The following HS6ST3 variants were observed in gnomAD, a reference collection of about 807,000 sequenced individuals.
HS6ST3 encodes heparan-sulfate 6-O-sulfotransferase 3.
Under a neutral mutation model 36.7 loss-of-function variants are expected in HS6ST3, and 12 were observed. The ratio of observed to expected loss-of-function variants is 0.33; its 90% CI spans 0.21 to 0.53. HS6ST3 has a LOEUF of 0.53. Among genes scored for constraint, HS6ST3 ranks in the 20% least tolerant of loss-of-function variants. HS6ST3 has a pLI of 0.95. For synonymous variants in HS6ST3, 240 were observed against 257.5 expected (o/e 0.93, Z 0.65); for missense variants, 584 against 640.9 (o/e 0.91, Z 0.96).
chr13:96,806,994 A>G (rs1878210417), intron 1 of HS6ST3, among the ~76,000 whole-genome samples: 1 of 152,184 alleles, frequency 6.6e-6, no homozygotes, highest in Admixed American at 6.5e-5. Context: ...TCTGGGTTCA[A>G]AGTTTTCCTC....
intron 1 of HS6ST3, among the ~76,000 whole-genome samples, chr13:96,322,319 C>T (rs1361976725): frequency 3.4e-5 from 5 of 147,776 alleles, no homozygotes; most frequent in Admixed American, 6.8e-5. Context: ...CCGAGGCGGG[C>T]GGATCACTTG....
intron 1 of HS6ST3, among the ~76,000 whole-genome samples, chr13:96,240,853 G>A (rs755900894): frequency 3.9e-5 from 6 of 152,342 alleles, no homozygotes; most frequent in African/African-American, 1.4e-4. Flanking sequence ...GTAGTATGGA[G>A]GCTTTTTCTT....
At chr13:96,532,701 T>A (rs1007416411) in intron 1 of HS6ST3, among the ~76,000 whole-genome samples, 2 of 152,044 alleles carry the variant, frequency 1.3e-5, no homozygotes, top group Admixed American at 1.3e-4. Flanking sequence ...GTTGTCTACC[T>A]AAATCACTGA....
rs146257168 is a variant in HS6ST3, at chr13:96,581,375, A to G, written c.708-251115A>G. On this transcript the variant is annotated intron_variant, in intron 1 of 1. Transcript: ENST00000376705. The stretch of plus-strand genomic sequence containing the variant: ...GCTGAGACTACAGGTGTATGTCACC[A>G]TGCCTGGCTAATTTTTTGTATTTTT... Among the ~76,000 whole-genome samples, 1,233 of 152,112 alleles carry G rather than the reference A, an allele frequency of 8.1e-3. 6 individuals carry two copies. The highest frequency in any genetic ancestry group is 0.014 in the Non-Finnish European group (953 of 67,966).
intron 1 of HS6ST3, among the ~76,000 whole-genome samples, chr13:96,506,274 A>C (rs545074436): frequency 7.6e-4 from 115 of 152,142 alleles, no homozygotes; most frequent in Non-Finnish European, 1.4e-3. Context: ...ATTTGTCCTC[A>C]AAATACTCTT....
rs549674453 is a variant in HS6ST3 at position 96,771,949 on chromosome 13, A to G, written c.708-60541A>G. ...ATGAAATACAGGTTGATGTGGTATAATCATGACAGAGTTTATGTTTCTGGT... is the reference window on the plus strand; with the variant it reads ...ATGAAATACAGGTTGATGTGGTATAGTCATGACAGAGTTTATGTTTCTGGT... On this transcript the variant is annotated intron_variant, in intron 1 of 1. Transcript: ENST00000376705. 2.0e-5 allele frequency among the ~76,000 whole-genome samples: 3 copies of G among 152,346 alleles called. No homozygotes were observed. In the South Asian group the frequency reaches 6.2e-4, roughly 32 times the overall value.
At chr13:96,516,070 T>C (rs1324732793) in intron 1 of HS6ST3, among the ~76,000 whole-genome samples, 1 of 152,006 alleles carries the variant, frequency 6.6e-6, no homozygotes, top group Non-Finnish European at 1.5e-5. Flanking sequence ...TAACTTTTTT[T>C]TTTTTTTTTG....
At chr13:96,207,003 A>G (rs1022892006) in intron 1 of HS6ST3, among the ~76,000 whole-genome samples, 4 of 152,200 alleles carry the variant, frequency 2.6e-5, no homozygotes, top group Non-Finnish European at 5.9e-5. Flanking sequence ...CAAATAAACT[A>G]TAATGAGAGT....
intron 1 of HS6ST3, among the ~76,000 whole-genome samples, chr13:96,142,229 A>G (rs980100563): frequency 2.0e-5 from 3 of 152,220 alleles, no homozygotes; most frequent in Admixed American, 1.3e-4. Context: ...ATAGTTATCA[A>G]TTTCCATTAA....
intron 1 of HS6ST3, among the ~76,000 whole-genome samples, chr13:96,543,356 A>G (rs2056185477): frequency 6.6e-6 from 1 of 152,160 alleles, no homozygotes; most frequent in Admixed American, 6.5e-5. Context: ...GGATCCAAAT[A>G]GACACTCAGC....
At chr13:96,180,422 TTTG>T (rs923287301) in intron 1 of HS6ST3, among the ~76,000 whole-genome samples, 3 of 152,204 alleles carry the variant, frequency 2.0e-5, no homozygotes, top group South Asian at 2.1e-4. Flanking sequence ...ATTCCAAGTT[TTTG>T]TTGTTCTTGT....
chr13:96,354,457 CTT>C (rs1270257075), intron 1 of HS6ST3, among the ~76,000 whole-genome samples: 1 of 152,016 alleles, frequency 6.6e-6, no homozygotes, highest in Non-Finnish European at 1.5e-5. Flanking sequence ...ATTTTGTACT[CTT>C]TTACTTTTAT....
At chr13:96,404,507 A>G (rs1173794187) in intron 1 of HS6ST3, among the ~76,000 whole-genome samples, 2 of 152,192 alleles carry the variant, frequency 1.3e-5, no homozygotes. Flanking sequence ...CTCACCTGTC[A>G]TTGTGATGAA....
At chr13:96,658,406 G>A (rs1385703387) in intron 1 of HS6ST3, among the ~76,000 whole-genome samples, 6 of 147,448 alleles carry the variant, frequency 4.1e-5, no homozygotes, top group Non-Finnish European at 9.0e-5. Context: ...TCAGCCTCCC[G>A]AGTAGCTGGG....
chr13:96,179,861 ACT>A (rs1319814354), intron 1 of HS6ST3, among the ~76,000 whole-genome samples: 1 of 151,804 alleles, frequency 6.6e-6, no homozygotes, highest in African/African-American at 2.4e-5. Flanking sequence ...ATGGCGTCTC[ACT>A]CTGTCAACCA....
At chr13:96,390,189 TA>T (rs2055388676) in intron 1 of HS6ST3, among the ~76,000 whole-genome samples, 1 of 152,184 alleles carries the variant, frequency 6.6e-6, no homozygotes, top group South Asian at 2.1e-4. Context: ...ATAGGCTGTA[TA>T]ATTCAGACCC....
At chr13:96,151,681 A>G (rs958222162) in intron 1 of HS6ST3, among the ~76,000 whole-genome samples, 3 of 152,210 alleles carry the variant, frequency 2.0e-5, no homozygotes, top group Non-Finnish European at 4.4e-5. Context: ...TCCTAAACCA[A>G]GGTGTCGGCA....
rs1248796314 is a variant in HS6ST3 at position 96,204,182 on chromosome 13, A to G, written c.707+112613A>G. 2.6e-5 allele frequency among the ~76,000 whole-genome samples: 4 copies of G among 152,218 alleles called. No individual in the cohort carries two copies. The South Asian group carries it at 8.3e-4, about 31-fold the overall frequency. ...AAATATGTATATATTGGCAAATCAT[A>G]GAAAAGCAGGGGTTGCAATCCTAGT... On this transcript the variant is annotated intron_variant, in intron 1 of 1. Coordinates refer to ENST00000376705, the MANE Select transcript of HS6ST3 (RefSeq NM_153456.4).
chr13:96,631,124 A>G (rs1214279907), intron 1 of HS6ST3, among the ~76,000 whole-genome samples: 1 of 152,194 alleles, frequency 6.6e-6, no homozygotes, highest in Non-Finnish European at 1.5e-5. Context: ...ACTAAACAGT[A>G]GTCAAATGAG....
Sources: allele counts gnomAD v4.1 joint callset (sites outside exome capture counted in the v4.1 genomes callset), GRCh38; gene constraint gnomAD v4.1.1; transcripts MANE v1.5; gene names NCBI Gene and HGNC (gene_info 2026-07-23, HGNC 2026-07-21).